PITPNC1: variants seen among roughly 807,000 people sequenced by gnomAD.
The protein encoded by PITPNC1 is cytoplasmic phosphatidylinositol transfer protein 1.
A neutral mutation model predicts 44.7 loss-of-function variants in PITPNC1; 18 were observed. The ratio of observed to expected loss-of-function variants is 0.40; its 90% CI spans 0.28 to 0.60. PITPNC1 has a LOEUF of 0.60. Among genes scored for constraint, PITPNC1 ranks in the 20% least tolerant of loss-of-function variants. PITPNC1 has a pLI of 0.39. For synonymous variants in PITPNC1, 141 were observed against 149.6 expected, an observed-to-expected ratio of 0.94 and a Z score of 0.42; for missense variants, 290 against 418.4, an observed-to-expected ratio of 0.69 and a Z score of 2.68.
At chr17:67,403,737 C>T (rs2038357028) in intron 1 of PITPNC1, among the ~76,000 whole-genome samples, 2 of 152,104 alleles carry the variant, frequency 1.3e-5, no homozygotes, top group African/African-American at 2.4e-5. Context: ...AAACCCTGGG[C>T]TTGGACTGGC....
intron 1 of PITPNC1, chr17:67,378,929 C>G: frequency 3.1e-6 from 3 of 978,872 alleles, no homozygotes; most frequent in Non-Finnish European, 3.6e-6. Flanking sequence ...GGGGCCGCGG[C>G]TGCCGGCTGG....
intron 5 of PITPNC1, among the ~76,000 whole-genome samples, chr17:67,623,666 G>A (rs910264477): frequency 1.3e-5 from 2 of 152,214 alleles, no homozygotes; most frequent in Admixed American, 6.5e-5. Context: ...TTACAGGCAT[G>A]AGCCACCTTG....
chr17:67,523,878 C>T (rs1349668596), intron 1 of PITPNC1, among the ~76,000 whole-genome samples: 2 of 137,264 alleles, frequency 1.5e-5, no homozygotes, highest in East Asian at 4.6e-4. Flanking sequence ...GTGGTGCAAT[C>T]TCTGCTCACT....
At chr17:67,382,773 C>T (rs943278062) in intron 1 of PITPNC1, among the ~76,000 whole-genome samples, 2 of 150,748 alleles carry the variant, frequency 1.3e-5, no homozygotes, top group Non-Finnish European at 3.0e-5. Flanking sequence ...TACAGGCGCC[C>T]ACCATCACGC....
chr17:67,500,850 A>G (rs74994454), intron 1 of PITPNC1, among the ~76,000 whole-genome samples: 1 of 150,374 alleles, frequency 6.7e-6, no homozygotes, highest in African/African-American at 2.4e-5. Flanking sequence ...CACACTTGAC[A>G]AAATTTTTTT....
chr17:67,649,716 CT>C (rs558473290), intron 6 of PITPNC1, among the ~76,000 whole-genome samples: 2 of 152,032 alleles, frequency 1.3e-5, no homozygotes, highest in South Asian at 4.1e-4. Flanking sequence ...GAGACTCCAT[CT>C]CTATTTTTTT....
intron 6 of PITPNC1, among the ~76,000 whole-genome samples, chr17:67,661,198 TC>T (rs529581740): frequency 2.2e-4 from 33 of 152,124 alleles, no homozygotes; most frequent in African/African-American, 8.0e-4. Flanking sequence ...GCATATGATT[TC>T]GGTGGTGGTT....
intron 6 of PITPNC1, among the ~76,000 whole-genome samples, chr17:67,641,001 A>G (rs1250194474): frequency 1.3e-5 from 2 of 152,092 alleles, no homozygotes; most frequent in Admixed American, 6.5e-5. Flanking sequence ...AAAAAAAAAG[A>G]AACCCATGAT....
At chr17:67,663,986 G>A (rs2042385175) in intron 6 of PITPNC1, among the ~76,000 whole-genome samples, 1 of 152,030 alleles carries the variant, frequency 6.6e-6, no homozygotes, top group South Asian at 2.1e-4. Context: ...GTTTTGAGAT[G>A]GAGTCTTGCT....
At chr17:67,468,985 T>A (rs2039473143) in intron 1 of PITPNC1, among the ~76,000 whole-genome samples, 1 of 152,180 alleles carries the variant, frequency 6.6e-6, no homozygotes, top group Non-Finnish European at 1.5e-5. Flanking sequence ...TGCCTCGGCC[T>A]CCCAAAGTGT....
intron 1 of PITPNC1, among the ~76,000 whole-genome samples, chr17:67,431,661 G>C (rs1454907213): frequency 2.6e-5 from 4 of 152,174 alleles, no homozygotes; most frequent in Admixed American, 1.3e-4. Context: ...ATTTGTAAAA[G>C]AGACTGGTTT....
chr17:67,451,614 T>C (rs1264592126), intron 1 of PITPNC1, among the ~76,000 whole-genome samples: 1 of 151,922 alleles, frequency 6.6e-6, no homozygotes, highest in African/African-American at 2.4e-5. Flanking sequence ...CAACATGTAG[T>C]CCTTTGAGAC....
intron 1 of PITPNC1, among the ~76,000 whole-genome samples, chr17:67,520,298 G>A (rs961879482): frequency 6.6e-6 from 1 of 152,122 alleles, no homozygotes; most frequent in Non-Finnish European, 1.5e-5. Flanking sequence ...GGTCACAAGC[G>A]GATGGCGCAG....
intron 6 of PITPNC1, among the ~76,000 whole-genome samples, chr17:67,647,505 G>A: frequency 8.2e-6 from 1 of 122,662 alleles, no homozygotes; most frequent in South Asian, 2.5e-4. Flanking sequence ...TAGAGACGGG[G>A]TTTCACCATG....
In PITPNC1 at chr17:67,695,631, T is replaced by A. The variant is rs1015211677; in HGVS notation, c.*2743T>A. 10 of 131,792 alleles carry A rather than the reference T, an allele frequency of 7.6e-5. No individual in the cohort carries two copies. Among genetic ancestry groups the A allele is most frequent in the East Asian group, 4.3e-4 (2 of 4,672 alleles). The allele number at this position is 131,792 out of a possible 1,614,324, so 8.2% of individuals were successfully genotyped here. ...GTATATATATATATATATATATATA[T>A]AAATATAAATATAGTATAGTGAATC... On this transcript the variant is annotated 3_prime_UTR_variant, in exon 9 of 9. Coordinates refer to ENST00000581322, the MANE Select transcript of PITPNC1 (RefSeq NM_012417.4).
intron 1 of PITPNC1, among the ~76,000 whole-genome samples, chr17:67,501,262 A>T (rs2949943): frequency 0.76 from 115,131 of 151,916 alleles, 43,660 homozygotes; most frequent in Middle Eastern, 0.86. Flanking sequence ...CTTTTGTGTT[A>T]TCCTGGAATT....
intron 8 of PITPNC1, among the ~76,000 whole-genome samples, chr17:67,686,853 T>C (rs2144461532): frequency 6.6e-6 from 1 of 152,276 alleles, no homozygotes; most frequent in East Asian, 1.9e-4. Flanking sequence ...TCCACTCTTC[T>C]CTGTTCTAAG....
chr17:67,688,269 C>A (rs1279304194), intron 8 of PITPNC1, among the ~76,000 whole-genome samples: 2 of 141,814 alleles, frequency 1.4e-5, no homozygotes, highest in Non-Finnish European at 3.0e-5. Context: ...ACCTGGGAGG[C>A]AGAGGTTGCA....
At chr17:67,656,645 C>G (rs905227885) in intron 6 of PITPNC1, among the ~76,000 whole-genome samples, 7 of 152,128 alleles carry the variant, frequency 4.6e-5, no homozygotes, top group Non-Finnish European at 1.0e-4. Context: ...TTTCAAGACA[C>G]GTAATCTCGG....
Sources: allele counts gnomAD v4.1 joint callset (sites outside exome capture counted in the v4.1 genomes callset), GRCh38; gene constraint gnomAD v4.1.1; transcripts MANE v1.5; gene names NCBI Gene and HGNC (gene_info 2026-07-23, HGNC 2026-07-21).